The following OSBPL8 variants were observed in gnomAD, a reference collection of about 807,000 sequenced individuals.
OSBPL8 encodes oxysterol binding protein like 8, also known as oxysterol-binding protein-related protein 8.
Under a neutral mutation model 125.5 loss-of-function variants are expected in OSBPL8, and 59 were observed. That is an observed-to-expected ratio of 0.47 (90% CI 0.38 to 0.58). The LOEUF (loss-of-function observed/expected upper bound fraction) is 0.58. OSBPL8 is among the 20% of genes least tolerant of loss of function. OSBPL8 has a pLI of 0.00. For synonymous variants in OSBPL8, 330 were observed against 338.9 expected, an observed-to-expected ratio of 0.97 and a Z score of 0.29; for missense variants, 758 against 1,047.8, an observed-to-expected ratio of 0.72 and a Z score of 3.82.
At position 76,443,519 on chromosome 12, in the gene OSBPL8, A is replaced by AT. The variant is rs932486067; in HGVS notation, c.217+7331dup. Among the ~76,000 whole-genome samples, 11 of 151,982 alleles carry AT rather than the reference A, an allele frequency of 7.2e-5. No individual in the cohort carries two copies. In the South Asian group the frequency reaches 8.4e-4, roughly 12 times the overall value. On this transcript the variant is annotated intron_variant, in intron 4 of 23. Transcript: ENST00000261183. ...AATCTACATTTCTGTCTTCTTTTTC[A>AT]TTTTTTTGAGACAGAGTCTTGCTCT...
intron 12 of OSBPL8, 82 bp from the exon 13 acceptor site, chr12:76,386,742 T>C (rs1184039433): frequency 1.2e-5 from 11 of 902,424 alleles, no homozygotes; most frequent in Middle Eastern, 2.2e-4. Flanking sequence ...TAACCGAGTA[T>C]GAAACATGAT....
At chr12:76,527,460 A>G (rs1000498732) in intron 1 of OSBPL8, among the ~76,000 whole-genome samples, 4 of 152,228 alleles carry the variant, frequency 2.6e-5, no homozygotes, top group African/African-American at 7.2e-5. Flanking sequence ...AAATATACAT[A>G]TATCTCCAAT....
At chr12:76,514,138 C>T (rs1881291995) in intron 1 of OSBPL8, among the ~76,000 whole-genome samples, 1 of 151,930 alleles carries the variant, frequency 6.6e-6, no homozygotes, top group East Asian at 1.9e-4. Flanking sequence ...TCAACATTTG[C>T]TTGTCTGAAA....
At chr12:76,450,822 G>A in intron 4 of OSBPL8, 29 bp downstream of exon 4, 1 of 1,566,990 alleles carries the variant, frequency 6.4e-7, no homozygotes. Context: ...ACAAAAACAA[G>A]ACAAAACATG....
chr12:76,404,881 C>T (rs1954192212), intron 5 of OSBPL8, among the ~76,000 whole-genome samples: 1 of 152,004 alleles, frequency 6.6e-6, no homozygotes, highest in Non-Finnish European at 1.5e-5. Context: ...GGTCAGTGCC[C>T]CTAACTTGCA....
intron 5 of OSBPL8, 135 bp downstream of exon 5, chr12:76,410,429 T>C (rs1954467078): frequency 1.6e-6 from 1 of 618,026 alleles, no homozygotes; most frequent in South Asian, 2.1e-5. Context: ...CTTCACTCTT[T>C]TAATACACAC....
At chr12:76,423,087 C>T (rs899150502) in intron 4 of OSBPL8, 2 of 152,646 alleles carry the variant, frequency 1.3e-5, no homozygotes, top group African/African-American at 4.8e-5. Flanking sequence ...CCACACTTCC[C>T]ACCTCTTCCG....
chr12:76,473,440 C>T (rs1434791061), intron 2 of OSBPL8, among the ~76,000 whole-genome samples: 7 of 152,130 alleles, frequency 4.6e-5, no homozygotes, highest in Non-Finnish European at 8.8e-5. Flanking sequence ...AACTTGTTCC[C>T]TGAACTAACC....
intron 1 of OSBPL8, among the ~76,000 whole-genome samples, chr12:76,531,441 C>A (rs567363724): frequency 6.6e-5 from 10 of 152,298 alleles, no homozygotes; most frequent in African/African-American, 2.4e-4. Flanking sequence ...CTAGTCCCTT[C>A]AGACCAATTG....
intron 21 of OSBPL8, 107 bp downstream of exon 21, chr12:76,369,107 G>C (rs568608506): frequency 2.1e-6 from 3 of 1,413,532 alleles, no homozygotes; most frequent in Non-Finnish European, 2.8e-6. Flanking sequence ...TGCGTATTTT[G>C]CTCACCCAAA....
chr12:76,369,917 T>C, intron 19 of OSBPL8, 95 bp from the exon 20 acceptor site: 1 of 1,187,106 alleles, frequency 8.4e-7, no homozygotes, highest in Non-Finnish European at 1.2e-6. Flanking sequence ...GAGAAAATAA[T>C]GCTCACATGA....
At chr12:76,558,822 A>C (rs550639310) in intron 1 of OSBPL8, among the ~76,000 whole-genome samples, 1 of 152,306 alleles carries the variant, frequency 6.6e-6, no homozygotes, top group East Asian at 1.9e-4. Context: ...TCCACTCTTG[A>C]GAGAGGGCTT....
At chr12:76,511,816 T>C (rs781513058) in intron 1 of OSBPL8, among the ~76,000 whole-genome samples, 10 of 152,234 alleles carry the variant, frequency 6.6e-5, no homozygotes, top group Non-Finnish European at 1.0e-4. Flanking sequence ...ATGTCCTGGA[T>C]GGTATTACCT....
chr12:76,523,705 C>T (rs1219267210), intron 1 of OSBPL8, among the ~76,000 whole-genome samples: 1 of 152,174 alleles, frequency 6.6e-6, no homozygotes, highest in African/African-American at 2.4e-5. Flanking sequence ...AGACAGCCCT[C>T]ACTGGAACCT....
At chr12:76,437,988 T>C (rs903576056) in intron 4 of OSBPL8, among the ~76,000 whole-genome samples, 1 of 152,094 alleles carries the variant, frequency 6.6e-6, no homozygotes, top group Non-Finnish European at 1.5e-5. Flanking sequence ...CTTCTTTTTT[T>C]ATTTTTTATT....
intron 1 of OSBPL8, among the ~76,000 whole-genome samples, chr12:76,489,023 T>C (rs756782088): frequency 6.6e-6 from 1 of 152,214 alleles, no homozygotes; most frequent in Non-Finnish European, 1.5e-5. Context: ...ATTGCTGATA[T>C]ACAGCAAGTT....
intron 3 of OSBPL8, among the ~76,000 whole-genome samples, chr12:76,459,622 C>CT (rs34160465): frequency 0.011 from 1,639 of 152,190 alleles, 36 homozygotes; most frequent in African/African-American, 0.038. Context: ...AATAATGCAT[C>CT]TTAGGTAAGA....
At chr12:76,527,674 C>T (rs577406022) in intron 1 of OSBPL8, among the ~76,000 whole-genome samples, 15 of 152,186 alleles carry the variant, frequency 9.9e-5, no homozygotes, top group African/African-American at 3.6e-4. Context: ...TTCTAGTTAT[C>T]GAATTATCTT....
chr12:76,422,306 A>G (rs1056830086), intron 4 of OSBPL8, among the ~76,000 whole-genome samples: 2 of 152,188 alleles, frequency 1.3e-5, no homozygotes, highest in African/African-American at 4.8e-5. Context: ...TACTTTACTG[A>G]ATCATTACTT....
Sources: allele counts gnomAD v4.1 joint callset (sites outside exome capture counted in the v4.1 genomes callset), GRCh38; gene constraint gnomAD v4.1.1; transcripts MANE v1.5; gene names NCBI Gene and HGNC (gene_info 2026-07-23, HGNC 2026-07-21).